Variants in NTM observed in about 807,000 individuals in gnomAD.
NTM encodes the protein neurotrimin.
In NTM, 13 loss-of-function variants were observed where a neutral mutation model predicts 42.1. The ratio of observed to expected loss-of-function variants is 0.31; its 90% CI spans 0.20 to 0.49. NTM has a LOEUF of 0.49. NTM is among the 20% of genes least tolerant of loss of function. The pLI is 0.99. For missense variants in NTM, 373 were observed against 452.8 expected (o/e 0.82, Z 1.60); for synonymous variants, 187 against 179.2 (o/e 1.04, Z -0.35).
chr11:131,833,908 CT>C (rs990441117), intron 1 of NTM, among the ~76,000 whole-genome samples: 4 of 152,098 alleles, frequency 2.6e-5, no homozygotes, highest in African/African-American at 9.7e-5. Flanking sequence ...ATTTCGAAGT[CT>C]TTTTTCTTAG....
intron 1 of NTM, among the ~76,000 whole-genome samples, chr11:131,431,258 G>A (rs954001782): frequency 6.6e-6 from 1 of 152,254 alleles, no homozygotes; most frequent in Middle Eastern, 3.4e-3. Context: ...AAGGATGCCC[G>A]AGGGGAAGGT....
chr11:131,450,177 G>A (rs565312133), intron 1 of NTM, among the ~76,000 whole-genome samples: 5 of 152,192 alleles, frequency 3.3e-5, no homozygotes, highest in African/African-American at 9.6e-5. Context: ...ACTCCCATGT[G>A]GGCCAGTCTT....
chr11:131,654,143 G>A (rs769317188), intron 1 of NTM, among the ~76,000 whole-genome samples: 8 of 152,180 alleles, frequency 5.3e-5, no homozygotes, highest in Non-Finnish European at 1.2e-4. Context: ...TGGTGGGATC[G>A]TGGGGTTCAT....
At chr11:132,169,573 A>G (rs2075838475) in intron 3 of NTM, among the ~76,000 whole-genome samples, 1 of 151,542 alleles carries the variant, frequency 6.6e-6, no homozygotes, top group Non-Finnish European at 1.5e-5. Context: ...TGAGCTCATG[A>G]TCTGCCCTCC....
At chr11:132,180,401 G>A (rs759203249) in intron 3 of NTM, among the ~76,000 whole-genome samples, 1 of 151,922 alleles carries the variant, frequency 6.6e-6, no homozygotes, top group African/African-American at 2.4e-5. Context: ...AGTAAAGCAA[G>A]CAACTTCAAA....
At chr11:131,753,569 G>A (rs9666875) in intron 1 of NTM, among the ~76,000 whole-genome samples, 2,927 of 139,854 alleles carry the variant, frequency 0.021, 137 homozygotes, top group African/African-American at 0.089. Flanking sequence ...GCCATAAAAA[G>A]TGATGAGTTC....
intron 1 of NTM, among the ~76,000 whole-genome samples, chr11:131,601,317 C>A (rs1342486808): frequency 6.6e-6 from 1 of 152,196 alleles, no homozygotes; most frequent in Non-Finnish European, 1.5e-5. Flanking sequence ...GTCCCAGTCT[C>A]TTCCCTACTA....
At chr11:131,691,895 T>C (rs762027068) in intron 1 of NTM, among the ~76,000 whole-genome samples, 2 of 152,154 alleles carry the variant, frequency 1.3e-5, no homozygotes, top group Non-Finnish European at 2.9e-5. Context: ...GAGGTAAATA[T>C]CGTTAGCTTT....
chr11:132,050,316 C>T (rs139332555), intron 2 of NTM, among the ~76,000 whole-genome samples: 7 of 152,318 alleles, frequency 4.6e-5, no homozygotes, highest in African/African-American at 1.4e-4. Context: ...GAGCACAGCT[C>T]TGTCCTGCAG....
chr11:131,554,062 T>G (rs2055064361), intron 1 of NTM, among the ~76,000 whole-genome samples: 2 of 152,214 alleles, frequency 1.3e-5, no homozygotes, highest in Admixed American at 1.3e-4. Context: ...TACGAATGCT[T>G]CTCTTCCAGC....
chr11:131,719,450 G>C (rs1009710333), intron 1 of NTM, among the ~76,000 whole-genome samples: 1 of 152,206 alleles, frequency 6.6e-6, no homozygotes, highest in Non-Finnish European at 1.5e-5. Flanking sequence ...ATGCATAGCT[G>C]TGAGAGCTGG....
intron 2 of NTM, chr11:131,921,975 C>T (rs1053661051): frequency 6.6e-6 from 1 of 152,582 alleles, no homozygotes; most frequent in Non-Finnish European, 1.5e-5. Flanking sequence ...TCCTCCAAAC[C>T]TTTTTACTCT....
intron 1 of NTM, among the ~76,000 whole-genome samples, chr11:131,699,857 A>G (rs2075879897): frequency 6.6e-6 from 1 of 151,990 alleles, no homozygotes; most frequent in East Asian, 1.9e-4. Context: ...CTACAATTCA[A>G]GATAGATTTG....
intron 1 of NTM, among the ~76,000 whole-genome samples, chr11:131,645,259 G>A (rs1211911866): frequency 6.6e-6 from 1 of 152,188 alleles, no homozygotes; most frequent in African/African-American, 2.4e-5. Flanking sequence ...CCCTGCACTT[G>A]AAAATCGTAT....
intron 1 of NTM, among the ~76,000 whole-genome samples, chr11:131,555,168 A>G (rs2055237960): frequency 6.6e-6 from 1 of 152,204 alleles, no homozygotes; most frequent in Non-Finnish European, 1.5e-5. Flanking sequence ...TCTCAAAAAC[A>G]AAAACCAAAA....
intron 3 of NTM, among the ~76,000 whole-genome samples, chr11:132,171,762 A>C (rs963705289): frequency 6.6e-6 from 1 of 152,240 alleles, no homozygotes; most frequent in Non-Finnish European, 1.5e-5. Context: ...GGAATAGTTC[A>C]AGAAGATTTA....
chr11:132,070,439 C>G (rs1256894205), intron 2 of NTM, among the ~76,000 whole-genome samples: 1 of 133,342 alleles, frequency 7.5e-6, no homozygotes, highest in Non-Finnish European at 1.6e-5. Context: ...TTAGTTAACA[C>G]GTCACACAGC....
chr11:132,043,060 C>T (rs971995729), intron 2 of NTM, among the ~76,000 whole-genome samples: 13 of 152,126 alleles, frequency 8.5e-5, no homozygotes, highest in Admixed American at 5.2e-4. Flanking sequence ...GAGGCAGGGG[C>T]AGTTCTTATG....
At chr11:131,987,680 T>G (rs575466572) in intron 2 of NTM, among the ~76,000 whole-genome samples, 3 of 152,282 alleles carry the variant, frequency 2.0e-5, no homozygotes, top group East Asian at 3.9e-4. Flanking sequence ...AATAAAACTT[T>G]CATCATTTCA....
Sources: allele counts gnomAD v4.1 joint callset (sites outside exome capture counted in the v4.1 genomes callset), GRCh38; gene constraint gnomAD v4.1.1; transcripts MANE v1.5; gene names NCBI Gene and HGNC (gene_info 2026-07-23, HGNC 2026-07-21).